DEK: variants seen among roughly 807,000 people sequenced by gnomAD.
DEK encodes the protein protein DEK.
DEK carries 28 observed loss-of-function variants against 46.8 expected under a neutral mutation model. That is an observed-to-expected ratio of 0.60 (90% CI 0.44 to 0.82). The LOEUF (loss-of-function observed/expected upper bound fraction) is 0.82. Ranked by LOEUF, DEK falls within the 40% of genes least tolerant of loss-of-function variation. The pLI, the probability that DEK is intolerant of heterozygous loss-of-function variation, is 0.00. For missense variants in DEK, 416 were observed against 430.6 expected (o/e 0.97, Z 0.30); for synonymous variants, 160 against 144.5 (o/e 1.11, Z -0.77).
chr6:18,249,676 T>C lies in DEK; in HGVS notation c.737A>G (p.Asp246Gly). 1 of 1,585,316 alleles carries C rather than the reference T, an allele frequency of 6.3e-7. No individual in the cohort carries two copies. The highest frequency in any genetic ancestry group is 8.5e-7 in the Non-Finnish European group (1 of 1,171,000). ...EKKNKEESSD[D>G]EDKESEEEPP... is the part of the protein sequence containing the mutation. ...CTCCTCTTCACTTTCTTTATCTTCA[T>C]CATCTGAAGACTCTTCCTTGTTTTT... The change falls in exon 7 of 11, where the codon GAT (aspartate) becomes GGT (glycine). Residue 246 changes from aspartate (D) to glycine (G), a missense_variant. By Grantham distance (94) the Asp-to-Gly change is moderately conservative. Coordinates refer to ENST00000652689, the MANE Select transcript of DEK (RefSeq NM_003472.4).
rs1445533543 is a variant in DEK at position 18,236,540 on chromosome 6, G to A, written c.959C>T (p.Pro320Leu). Residue 320 changes from proline (P) to leucine (L), a missense_variant, in exon 9 of 11, where the codon CCT becomes CTT. Coordinates refer to ENST00000652689, the MANE Select transcript of DEK (RefSeq NM_003472.4). ...EPLIKKLKKP[P>L]TDEELKETIK... ...TGTTTCCTTTAACTCTTCATCTGTAGGGGGTTTCTTCAACTTTTTAATTAA... is the reference window on the plus strand; with the variant it reads ...TGTTTCCTTTAACTCTTCATCTGTAAGGGGTTTCTTCAACTTTTTAATTAA... 1.9e-6 allele frequency: 3 copies of A among 1,591,266 alleles called. No individual in the cohort carries two copies. The highest frequency in any genetic ancestry group is 2.6e-6 in the Non-Finnish European group (3 of 1,173,330).
intron 7 of DEK, among the ~76,000 whole-genome samples, chr6:18,239,151 C>T (rs560711815): frequency 1.3e-5 from 2 of 152,036 alleles, no homozygotes; most frequent in South Asian, 2.1e-4. Context: ...CAGGAACTCC[C>T]GACCTCAGGT....
intron 10 of DEK, 44 bp from the exon 11 acceptor site, chr6:18,225,774 T>A: frequency 6.2e-7 from 1 of 1,606,512 alleles, no homozygotes; most frequent in Non-Finnish European, 8.5e-7. Flanking sequence ...ATCATAAACC[T>A]TTATCCCATT....
chr6:18,251,136 A>G (rs1791358253), intron 6 of DEK, among the ~76,000 whole-genome samples: 1 of 152,240 alleles, frequency 6.6e-6, no homozygotes, highest in African/African-American at 2.4e-5. Flanking sequence ...CCTAACATCA[A>G]GAATGTTAAA....
intron 7 of DEK, among the ~76,000 whole-genome samples, chr6:18,249,218 A>G (rs574678130): frequency 3.9e-4 from 60 of 152,182 alleles, no homozygotes; most frequent in Non-Finnish European, 6.8e-4. Flanking sequence ...ATAGTCCCCT[A>G]AAGGTTGAGG....
intron 6 of DEK, among the ~76,000 whole-genome samples, chr6:18,255,467 T>G (rs1791558432): frequency 6.6e-6 from 1 of 152,226 alleles, no homozygotes; most frequent in Admixed American, 6.5e-5. Context: ...TAACCCTGAC[T>G]ACTAGTACTT....
Position 18,264,007 on chromosome 6 carries a change from G to C in DEK, c.-9-11C>G. The C allele has an allele frequency of 6.3e-7, 1 of 1,589,544 alleles. No homozygotes were observed. The highest frequency in any genetic ancestry group is 8.6e-7 in the Non-Finnish European group (1 of 1,167,968). ...GGACATGCTGTGAACCTGCATGCGGGAAGAAAGCCGGACGTCTCGGTCCTC... is the reference window on the plus strand; with the variant it reads ...GGACATGCTGTGAACCTGCATGCGGCAAGAAAGCCGGACGTCTCGGTCCTC... On this transcript the variant is annotated splice_polypyrimidine_tract_variant and intron_variant, in intron 1 of 10. Coordinates refer to ENST00000652689, the MANE Select transcript of DEK (RefSeq NM_003472.4).
chr6:18,224,353 T>C lies in DEK; in HGVS notation c.*1366A>G. ...TGAAAATACCTGTTAACATTCAACA[T>C]ATATTTTTATATATTTCTGTTCTAT... On this transcript the variant is annotated 3_prime_UTR_variant, in exon 11 of 11. Coordinates refer to ENST00000652689, the MANE Select transcript of DEK (RefSeq NM_003472.4). 1 of 185,460 alleles carries C rather than the reference T, an allele frequency of 5.4e-6. No individual in the cohort carries two copies. Among genetic ancestry groups the C allele is most frequent in the East Asian group, 8.7e-5 (1 of 11,464 alleles). 11.5% of individuals were successfully genotyped at this position (185,460 alleles called of 1,614,324 possible).
At position 18,245,718 on chromosome 6, in the gene DEK, T is replaced by C. The variant is rs942933092; in HGVS notation, c.762+3933A>G. Among the ~76,000 whole-genome samples, 3 of 152,344 alleles carry C rather than the reference T, an allele frequency of 2.0e-5. No homozygotes were observed. In the South Asian group the frequency reaches 6.2e-4, roughly 32 times the overall value. On this transcript the variant is annotated intron_variant, in intron 7 of 10. Transcript: ENST00000652689. ...ATGCCTCAAGGTTAACACCTGTGAA[T>C]AGCATGACCAAATGTGGTTTATGAC...
At chr6:18,228,666 C>T (rs182674411) in intron 9 of DEK, among the ~76,000 whole-genome samples, 2 of 152,378 alleles carry the variant, frequency 1.3e-5, no homozygotes, top group East Asian at 3.9e-4. Context: ...AATTGGGTCA[C>T]TCCCACCCTA....
chr6:18,259,430 A>AAAAAAAATAAAT (rs1554162685), intron 2 of DEK, among the ~76,000 whole-genome samples: 2 of 96,844 alleles, frequency 2.1e-5, no homozygotes, highest in Non-Finnish European at 4.7e-5. Context: ...AAAAAAAAAA[A>AAAAAAAATAAAT]AAATCTAGAA....
intron 7 of DEK, among the ~76,000 whole-genome samples, chr6:18,247,250 T>C (rs1791159086): frequency 6.6e-6 from 1 of 152,126 alleles, no homozygotes. Flanking sequence ...CAACAATGCT[T>C]GTTGGAGAGA....
Position 18,256,512 on chromosome 6 carries a change from AAATTCAAAGCC to A in DEK, c.358-68_358-58del. On this transcript the variant is annotated intron_variant, in intron 4 of 10. Coordinates refer to ENST00000652689, the MANE Select transcript of DEK (RefSeq NM_003472.4). ...ATTACCCAGTAATGTACACAAGAAT[AAATTCAAAGCC>A]AATTCAAAGTCAACATCTTTATTTT... is the stretch of plus-strand genomic sequence containing the variant. 6 of 1,431,500 alleles carry A rather than the reference AAATTCAAAGCC, an allele frequency of 4.2e-6. No homozygotes were observed. In the South Asian group the frequency reaches 7.6e-5, roughly 18 times the overall value. The allele number at this position is 1,431,500 out of a possible 1,614,324, so 88.7% of individuals were successfully genotyped here. A position where few individuals can be genotyped will look rare whatever the true frequency, so the allele number is the denominator to read the frequency against.
At chr6:18,252,798 G>A (rs1791445509) in intron 6 of DEK, among the ~76,000 whole-genome samples, 1 of 152,140 alleles carries the variant, frequency 6.6e-6, no homozygotes, top group Non-Finnish European at 1.5e-5. Context: ...GAAAGCAAAG[G>A]TGGGTAAAAT....
intron 2 of DEK, 94 bp from the exon 3 acceptor site, chr6:18,258,499 T>C: frequency 2.4e-6 from 2 of 834,702 alleles, no homozygotes; most frequent in Non-Finnish European, 3.7e-6. Context: ...CCCCAAAACC[T>C]AATACTTTAT....
At chr6:18,226,517 G>A (rs928005703) in intron 9 of DEK, among the ~76,000 whole-genome samples, 6 of 152,214 alleles carry the variant, frequency 3.9e-5, no homozygotes, top group Non-Finnish European at 5.9e-5. Context: ...GATGGCTCAC[G>A]CCTGTAATTC....
rs2151098284 is a variant in DEK at position 18,264,449 on chromosome 6, G to GGCC, written c.-77_-75dup. 1 of 279,218 alleles carries GGCC rather than the reference G, an allele frequency of 3.6e-6. No homozygotes were observed. Among genetic ancestry groups the GGCC allele is most frequent in the East Asian group, 1.3e-4 (1 of 7,728 alleles). 17.3% of individuals were successfully genotyped at this position (279,218 alleles called of 1,614,324 possible). On this transcript the variant is annotated 5_prime_UTR_variant, in exon 1 of 11. Transcript: ENST00000652689. ...CGAGGAGGTTCTGGGAGGCGGCGGCGGCCGACGCCGAGGAGAAGGCGCGCG... is the reference window on the plus strand; with the variant it reads ...CGAGGAGGTTCTGGGAGGCGGCGGCGGCCGCCGACGCCGAGGAGAAGGCGCGCG...
rs1475693799 is a variant in DEK, at chr6:18,264,005, G to C, written c.-9-9C>G. On this transcript the variant is annotated splice_polypyrimidine_tract_variant and intron_variant, in intron 1 of 10. Coordinates refer to ENST00000652689, the MANE Select transcript of DEK (RefSeq NM_003472.4). ...GCGGACATGCTGTGAACCTGCATGCGGGAAGAAAGCCGGACGTCTCGGTCC... is the reference window on the plus strand; with the variant it reads ...GCGGACATGCTGTGAACCTGCATGCCGGAAGAAAGCCGGACGTCTCGGTCC... 1 of 1,591,414 alleles carries C rather than the reference G, an allele frequency of 6.3e-7. No homozygotes were observed. The highest frequency in any genetic ancestry group is 1.8e-5 in the Admixed American group (1 of 54,926).
intron 7 of DEK, among the ~76,000 whole-genome samples, chr6:18,242,113 A>G (rs1258316233): frequency 6.6e-6 from 1 of 152,228 alleles, no homozygotes; most frequent in Non-Finnish European, 1.5e-5. Flanking sequence ...AAAGAATAGG[A>G]AGCCATGCAC....
Sources: gnomAD v4.1 joint callset for allele counts (sites outside exome capture counted in the v4.1 genomes callset) on GRCh38, gnomAD v4.1.1 for gene constraint, MANE v1.5 for transcripts, NCBI Gene and HGNC (gene_info 2026-07-23, HGNC 2026-07-21) for gene names.